The following ATP9B variants were observed in gnomAD, a reference collection of about 807,000 sequenced individuals.
ATP9B encodes probable phospholipid-transporting ATPase IIB.
In ATP9B, 110 loss-of-function variants were observed where a neutral mutation model predicts 146.1. The observed-to-expected ratio is 0.75, with a 90% CI of 0.65 to 0.88. ATP9B has a LOEUF of 0.88. Among genes scored for constraint, ATP9B ranks in the 40% least tolerant of loss-of-function variants. ATP9B has a pLI of 0.00. For missense variants in ATP9B, 1,499 were observed against 1,496.4 expected (o/e 1.00, Z -0.03); for synonymous variants, 604 against 569.7 (o/e 1.06, Z -0.86).
In ATP9B at chr18:79,113,309, A is replaced by C; in HGVS notation, c.513A>C (p.Val171=). The change falls in exon 4 of 30, where the codon GTA becomes GTC. Residue 171 remains valine, a synonymous_variant. Coordinates refer to ENST00000426216, the MANE Select transcript of ATP9B (RefSeq NM_198531.5). ...TAGTAATATCCTGCTCACAGTTTGT[A>C]CCAGCATTGAAAATAGGCTATCTCT... is the stretch of plus-strand genomic sequence containing the variant. The part of the protein sequence containing the change: ...YFLVISCSQF[V]PALKIGYLYT... The C allele has an allele frequency of 6.2e-7, 1 of 1,601,184 alleles. No individual in the cohort carries two copies. Among genetic ancestry groups the C allele is most frequent in the Non-Finnish European group, 8.5e-7 (1 of 1,169,956 alleles).
intron 8 of ATP9B, among the ~76,000 whole-genome samples, chr18:79,192,781 A>C (rs1302943068): frequency 1.3e-5 from 2 of 152,184 alleles, no homozygotes; most frequent in Non-Finnish European, 2.9e-5. Flanking sequence ...AAACAGATCT[A>C]GGAATTTATT....
intron 9 of ATP9B, among the ~76,000 whole-genome samples, chr18:79,202,227 A>G (rs970172749): frequency 2.6e-5 from 4 of 152,218 alleles, no homozygotes; most frequent in African/African-American, 4.8e-5. Context: ...TACTGATTGT[A>G]TAACCTTTTT....
intron 19 of ATP9B, among the ~76,000 whole-genome samples, chr18:79,341,028 G>C (rs1306033339): frequency 2.0e-5 from 3 of 152,234 alleles, no homozygotes; most frequent in African/African-American, 7.2e-5. Context: ...CCGGGCCCAG[G>C]TGTTACTCAC....
intron 7 of ATP9B, among the ~76,000 whole-genome samples, chr18:79,164,160 A>G (rs2094928409): frequency 6.6e-6 from 1 of 152,110 alleles, no homozygotes; most frequent in African/African-American, 2.4e-5. Context: ...TCTGGGTCCA[A>G]GCCATTCTCA....
At chr18:79,205,146 A>G (rs2095522217) in intron 9 of ATP9B, among the ~76,000 whole-genome samples, 1 of 152,252 alleles carries the variant, frequency 6.6e-6, no homozygotes, top group South Asian at 2.1e-4. Context: ...TATTTTGGGC[A>G]TACAAGGCAA....
At chr18:79,240,768 G>T (rs2095880458) in intron 11 of ATP9B, among the ~76,000 whole-genome samples, 1 of 152,162 alleles carries the variant, frequency 6.6e-6, no homozygotes. Flanking sequence ...GAAAAAGAAG[G>T]TTCAACCAGA....
chr18:79,078,040 A>G (rs1238710302), intron 1 of ATP9B: 1 of 152,234 alleles, frequency 6.6e-6, no homozygotes, highest in Non-Finnish European at 1.5e-5. Context: ...GCTTGGATGG[A>G]TGTCCCCACT....
rs148239228 is a variant in ATP9B, at chr18:79,298,013, C to G, written c.1412-5591C>G. Among the ~76,000 whole-genome samples, 106 of 147,212 alleles carry G rather than the reference C, an allele frequency of 7.2e-4. 9 individuals carry two copies. Among genetic ancestry groups the G allele is most frequent in the African/African-American group, 2.6e-3 (105 of 40,096 alleles). Reference sequence around the variant, plus strand: ...AATCTTAAAGAGCTGAGGCTGAGGCCTCACTCTGTGTGATGGAGACGCACG... The same window carrying G: ...AATCTTAAAGAGCTGAGGCTGAGGCGTCACTCTGTGTGATGGAGACGCACG... On this transcript the variant is annotated intron_variant, in intron 13 of 29. Transcript: ENST00000426216.
chr18:79,352,756 G>GC (rs1225398721), intron 25 of ATP9B: 1 of 152,142 alleles, frequency 6.6e-6, no homozygotes, highest in Non-Finnish European at 1.5e-5. Flanking sequence ...GGGTTCTAGG[G>GC]CCCCCCAACC....
At chr18:79,074,405 A>G (rs953157286) in intron 1 of ATP9B, among the ~76,000 whole-genome samples, 4 of 152,294 alleles carry the variant, frequency 2.6e-5, no homozygotes, top group East Asian at 3.9e-4. Context: ...CAGAATCCCT[A>G]TTGCTGGTGC....
At chr18:79,240,488 G>A (rs1462808283) in intron 11 of ATP9B, among the ~76,000 whole-genome samples, 2 of 152,382 alleles carry the variant, frequency 1.3e-5, no homozygotes, top group Admixed American at 6.5e-5. Context: ...GCTCACGCCT[G>A]TAATGCCAGC....
In ATP9B at chr18:79,115,521, T is replaced by C. The variant is rs1329062889; in HGVS notation, c.558+2167T>C. The C allele has an allele frequency of 1.2e-4, 16 of 133,504 alleles. No homozygotes were observed. The East Asian group carries it at 2.8e-3, about 24-fold the overall frequency. The allele number at this position is 133,504 out of a possible 1,614,324, so 8.3% of individuals were successfully genotyped here. A position where few individuals can be genotyped will look rare whatever the true frequency, so the allele number is the denominator to read the frequency against. The stretch of plus-strand genomic sequence containing the variant: ...CATCACACTACCTGACTTCAAACTA[T>C]ACTACAAGGCTACAGTAACCAAAAC... On this transcript the variant is annotated intron_variant, in intron 4 of 29. Coordinates refer to ENST00000426216, the MANE Select transcript of ATP9B (RefSeq NM_198531.5).
intron 1 of ATP9B, among the ~76,000 whole-genome samples, chr18:79,091,597 A>G (rs1294112385): frequency 6.6e-6 from 1 of 152,222 alleles, no homozygotes; most frequent in Non-Finnish European, 1.5e-5. Flanking sequence ...CTGTTGGCAT[A>G]TAGAAATGCT....
intron 26 of ATP9B, chr18:79,362,533 C>T (rs1336640266): frequency 1.3e-5 from 2 of 152,222 alleles, no homozygotes; most frequent in African/African-American, 2.4e-5. Context: ...ACTTTACTCA[C>T]GATGAGTTCA....
intron 8 of ATP9B, among the ~76,000 whole-genome samples, chr18:79,183,101 C>A (rs2095268655): frequency 6.6e-6 from 1 of 152,152 alleles, no homozygotes; most frequent in Non-Finnish European, 1.5e-5. Flanking sequence ...CTGTATATTA[C>A]TGTTTTTACT....
chr18:79,323,838 A>T (rs762803113), intron 15 of ATP9B, among the ~76,000 whole-genome samples: 1 of 152,082 alleles, frequency 6.6e-6, no homozygotes, highest in Non-Finnish European at 1.5e-5. Context: ...GGGATTGTGG[A>T]TTATATGGTG....
chr18:79,348,780 G>A (rs1404028928), intron 25 of ATP9B, among the ~76,000 whole-genome samples: 1 of 152,202 alleles, frequency 6.6e-6, no homozygotes, highest in Admixed American at 6.5e-5. Flanking sequence ...TCAGGAGTTC[G>A]AGACCAGCCT....
chr18:79,371,625 C>T (rs973390521), intron 26 of ATP9B, among the ~76,000 whole-genome samples: 2 of 152,242 alleles, frequency 1.3e-5, no homozygotes, highest in African/African-American at 4.8e-5. Context: ...TTTCCAGCGT[C>T]CGTGCCTCTG....
chr18:79,209,100 G>C (rs114215110), intron 10 of ATP9B, among the ~76,000 whole-genome samples: 1 of 152,306 alleles, frequency 6.6e-6, no homozygotes, highest in East Asian at 1.9e-4. Flanking sequence ...GGCTGCACTC[G>C]GGAGGTGTGT....
Sources: gnomAD v4.1 joint callset for allele counts (sites outside exome capture counted in the v4.1 genomes callset) on GRCh38, gnomAD v4.1.1 for gene constraint, MANE v1.5 for transcripts, NCBI Gene and HGNC (gene_info 2026-07-23, HGNC 2026-07-21) for gene names.